Variants in CNGB1 observed in about 807,000 individuals in gnomAD.
CNGB1 encodes the protein cyclic nucleotide-gated channel beta-1.
A neutral mutation model predicts 151.7 loss-of-function variants in CNGB1; 126 were observed. The ratio of observed to expected loss-of-function variants is 0.83; its 90% CI spans 0.72 to 0.96. CNGB1 has a LOEUF of 0.96. CNGB1 is among the 40% of genes least tolerant of loss of function. The pLI is 0.00. For synonymous variants in CNGB1, 623 were observed against 635.1 expected (o/e 0.98, Z 0.29); for missense variants, 1,698 against 1,627.0 (o/e 1.04, Z -0.75).
chr16:57,963,593 C>T lies in CNGB1; in HGVS notation c.291-529G>A, dbSNP rs1274766269. 4.6e-5 allele frequency among the ~76,000 whole-genome samples: 7 copies of T among 152,326 alleles called. No individual in the cohort carries two copies. The East Asian group carries it at 1.2e-3, about 25-fold the overall frequency. ...CCCAGCCCCAGCCCTGCTCAGGCCCCAAGCACCATGGGCTGAAATGTCTGA... is the reference window on the plus strand; with the variant it reads ...CCCAGCCCCAGCCCTGCTCAGGCCCTAAGCACCATGGGCTGAAATGTCTGA... On this transcript the variant is annotated intron_variant, in intron 4 of 32. Coordinates refer to ENST00000251102, the MANE Select transcript of CNGB1 (RefSeq NM_001297.5).
At chr16:57,905,915 T>C (rs1960538088) in intron 25 of CNGB1, among the ~76,000 whole-genome samples, 1 of 152,208 alleles carries the variant, frequency 6.6e-6, no homozygotes, top group African/African-American at 2.4e-5. Flanking sequence ...TTACCCAGTC[T>C]CATGTATTTT....
chr16:57,911,533 C>T (rs1317250651), intron 25 of CNGB1, among the ~76,000 whole-genome samples: 4 of 152,326 alleles, frequency 2.6e-5, no homozygotes, highest in Middle Eastern at 3.4e-3. Flanking sequence ...AGGTGATCCG[C>T]CTGCCTTGGC....
chr16:57,897,873 T>A lies in CNGB1; in HGVS notation c.3018A>T (p.Gln1006His). ...CATCAGGGCCGCCCAAGACCTGCAC[T>A]TGCCCTGCCTGGATGATGTACATCT... ...GREMYIIQAG[Q>H]VQVLGGPDGK... The change falls in exon 30 of 33, where the codon CAA (glutamine) becomes CAT (histidine). Residue 1006 changes from glutamine to histidine, a missense_variant. Transcript: ENST00000251102. 1 of 1,614,186 alleles carries A rather than the reference T, an allele frequency of 6.2e-7. No individual in the cohort carries two copies. Among genetic ancestry groups the A allele is most frequent in the Non-Finnish European group, 8.5e-7 (1 of 1,180,032 alleles).
chr16:57,945,811 G>T (rs548259925), intron 14 of CNGB1, among the ~76,000 whole-genome samples: 2 of 152,212 alleles, frequency 1.3e-5, no homozygotes, highest in African/African-American at 4.8e-5. Flanking sequence ...GAAAAAAATC[G>T]TAAGTCAAAT....
chr16:57,941,500 T>C (rs1221503136), intron 14 of CNGB1, among the ~76,000 whole-genome samples: 5 of 152,232 alleles, frequency 3.3e-5, no homozygotes, highest in Non-Finnish European at 7.3e-5. Flanking sequence ...CAGCGGCTCC[T>C]GGGCTGCGTG....
At chr16:57,950,286 T>G in intron 13 of CNGB1, 95 bp downstream of exon 13, 1 of 1,487,648 alleles carries the variant, frequency 6.7e-7, no homozygotes, top group South Asian at 1.1e-5. Flanking sequence ...GCTTGGTTCC[T>G]GCTCTGTGCC....
In CNGB1 at chr16:57,962,627, T is replaced by C. The variant is rs376253635; in HGVS notation, c.413-17A>G. On this transcript the variant is annotated splice_polypyrimidine_tract_variant and intron_variant, in intron 6 of 32. Transcript: ENST00000251102. ...CTGTGCACCCTGCAGGGTCAGAAAATACAGAAAGGCAGTCAGCAGCGGGAG... is the reference window on the plus strand; with the variant it reads ...CTGTGCACCCTGCAGGGTCAGAAAACACAGAAAGGCAGTCAGCAGCGGGAG... 28 of 1,613,114 alleles carry C rather than the reference T, an allele frequency of 1.7e-5. No individual in the cohort carries two copies. Among genetic ancestry groups the C allele is most frequent in the Non-Finnish European group, 2.3e-5 (27 of 1,179,798 alleles).
At chr16:57,892,129 C>T (rs1243850040) in intron 31 of CNGB1, among the ~76,000 whole-genome samples, 2 of 150,832 alleles carry the variant, frequency 1.3e-5, no homozygotes, top group African/African-American at 2.4e-5. Context: ...CACCTCTTCG[C>T]AGTACAAGAG....
rs1258900049 is a variant in CNGB1 at position 57,923,303 on chromosome 16, C to T, written c.1613G>A (p.Trp538Ter). The change falls in exon 18 of 33, where the codon TGG becomes TAG. Residue 538 changes from tryptophan (W) to a stop codon, truncating the protein, a stop_gained. Transcript: ENST00000251102. LOFTEE classifies it high-confidence loss of function. ...LSPAESPVVA[W>*]SDPTTPKDTD... ...GTCCTTCGGGGTGGTGGGGTCAGACCAGGCAACCACTGGGGACTCTGCTGG... is the reference window on the plus strand; with the variant it reads ...GTCCTTCGGGGTGGTGGGGTCAGACTAGGCAACCACTGGGGACTCTGCTGG... 5 of 1,612,928 alleles carry T rather than the reference C, an allele frequency of 3.1e-6. No individual in the cohort carries two copies. Among genetic ancestry groups the T allele is most frequent in the Non-Finnish European group, 4.2e-6 (5 of 1,179,684 alleles).
At chr16:57,895,519 T>C (rs1156728352) in intron 31 of CNGB1, among the ~76,000 whole-genome samples, 1 of 149,178 alleles carries the variant, frequency 6.7e-6, no homozygotes, top group African/African-American at 2.4e-5. Flanking sequence ...GTATGTATTT[T>C]ATATATACAT....
intron 23 of CNGB1, 132 bp from the exon 24 acceptor site, chr16:57,913,126 T>G: frequency 1.3e-6 from 1 of 756,806 alleles, no homozygotes; most frequent in East Asian, 2.6e-5. Flanking sequence ...GCATTCAATA[T>G]CAGAAGTCCT....
rs1596940846 is a variant in CNGB1, at chr16:57,883,946, T to C, written c.*218A>G. 9.7e-6 allele frequency: 6 copies of C among 619,314 alleles called. No homozygotes were observed. Among genetic ancestry groups the C allele is most frequent in the East Asian group, 2.7e-5 (1 of 36,368 alleles). 38.4% of individuals were successfully genotyped at this position (619,314 alleles called of 1,614,324 possible). ...AGTGAGAGCTCAGGGACTCGAACAC[T>C]TGATGCAACTTGTCGAGCTCAGGCC... On this transcript the variant is annotated 3_prime_UTR_variant, in exon 33 of 33. Transcript: ENST00000251102.
At position 57,955,450 on chromosome 16, in the gene CNGB1, G is replaced by A. The variant is rs1254986828; in HGVS notation, c.874+1891C>T. On this transcript the variant is annotated intron_variant, in intron 12 of 32. Transcript: ENST00000251102. ...TGAGTGAGTGAGTGAGTGGATGAGTGAATGAATGGGGAAGGTAAGGGACAC... is the reference window on the plus strand; with the variant it reads ...TGAGTGAGTGAGTGAGTGGATGAGTAAATGAATGGGGAAGGTAAGGGACAC... 3.4e-6 allele frequency: 4 copies of A among 1,176,486 alleles called. No individual in the cohort carries two copies. In the East Asian group the frequency reaches 7.7e-5, roughly 23 times the overall value. The allele number at this position is 1,176,486 out of a possible 1,614,324, so 72.9% of individuals were successfully genotyped here. A position where few individuals can be genotyped will look rare whatever the true frequency, so the allele number is the denominator to read the frequency against.
At chr16:57,901,505 C>T (rs370819430) in intron 28 of CNGB1, 23 bp downstream of exon 28, 32 of 1,612,348 alleles carry the variant, frequency 2.0e-5, no homozygotes, top group African/African-American at 2.7e-5. Flanking sequence ...CAGCCCTGAG[C>T]GTGAGGGCAC....
Position 57,950,543 on chromosome 16 carries a change from GCAGGGAACA to G in CNGB1, c.875-12_875-4del, listed in dbSNP as rs759400481. ...TTGTCCTCCAGGAAGGATGCTGACT[GCAGGGAACA>G]CAGGAAGAGCCATTTATGGGATGTG... On this transcript the variant is annotated splice_region_variant and splice_polypyrimidine_tract_variant and intron_variant, in intron 12 of 32. Coordinates refer to ENST00000251102, the MANE Select transcript of CNGB1 (RefSeq NM_001297.5). 6.2e-7 allele frequency: 1 copy of G among 1,614,006 alleles called. No homozygotes were observed. The highest frequency in any genetic ancestry group is 8.5e-7 in the Non-Finnish European group (1 of 1,179,946).
In CNGB1 at chr16:57,897,828, C is replaced by A. The variant is rs902632425; in HGVS notation, c.3063G>T (p.Thr1021=). 3 of 1,614,116 alleles carry A rather than the reference C, an allele frequency of 1.9e-6. No homozygotes were observed. The highest frequency in any genetic ancestry group is 2.5e-6 in the Non-Finnish European group (3 of 1,180,050). The change falls in exon 30 of 33, where the codon ACG becomes ACT. Residue 1021 remains threonine (T), a synonymous_variant. Transcript: ENST00000251102. ...CTCCAAACACAGATCCAGCTTTCAG[C>A]GTCACCAGCACAGATTTCCCATCAG... ...GGPDGKSVLV[T]LKAGSVFGEI... is the part of the protein sequence containing the mutation.
intron 18 of CNGB1, 143 bp downstream of exon 18, chr16:57,923,130 G>A (rs540651768): frequency 2.1e-5 from 12 of 582,470 alleles, no homozygotes; most frequent in East Asian, 6.3e-5. Context: ...CTGGGCAGGC[G>A]ACCGATCCCG....
intron 31 of CNGB1, among the ~76,000 whole-genome samples, chr16:57,892,300 T>C (rs756852082): frequency 4.6e-5 from 7 of 152,046 alleles, no homozygotes; most frequent in Non-Finnish European, 1.0e-4. Context: ...AATTTGCAAA[T>C]ATGGAGTCCA....
At chr16:57,934,399 C>T in intron 16 of CNGB1, among the ~76,000 whole-genome samples, 1 of 152,084 alleles carries the variant, frequency 6.6e-6, no homozygotes, top group East Asian at 1.9e-4. Context: ...GCGCCTACTA[C>T]ACTCCAGCCT....
Sources: allele counts gnomAD v4.1 joint callset (sites outside exome capture counted in the v4.1 genomes callset), GRCh38; gene constraint gnomAD v4.1.1; transcripts MANE v1.5; gene names NCBI Gene and HGNC (gene_info 2026-07-23, HGNC 2026-07-21).